SNX19: variants seen among roughly 807,000 people sequenced by gnomAD.
The protein encoded by SNX19 is sorting nexin 19, also known as sorting nexin-19.
A neutral mutation model predicts 85.2 loss-of-function variants in SNX19; 60 were observed. The ratio of observed to expected loss-of-function variants is 0.70; its 90% CI spans 0.57 to 0.87. The LOEUF (loss-of-function observed/expected upper bound fraction) is 0.87. Ranked by LOEUF, SNX19 falls within the 40% of genes least tolerant of loss-of-function variation. The probability of loss-of-function intolerance (pLI) is 0.00; values close to 1 mark genes in which losing one functional copy is unlikely to be tolerated. For synonymous variants in SNX19, 520 were observed against 470.0 expected (o/e 1.11, Z -1.38); for missense variants, 1,201 against 1,217.8 (o/e 0.99, Z 0.21).
At chr11:130,907,905 CA>C in intron 5 of SNX19, 47 bp downstream of exon 5, 7 of 1,606,372 alleles carry the variant, frequency 4.4e-6, no homozygotes, top group Non-Finnish European at 5.9e-6. Context: ...GATTGGGGAT[CA>C]ATTTGAGAAC....
intron 8 of SNX19, among the ~76,000 whole-genome samples, chr11:130,890,903 T>G (rs961368697): frequency 1.3e-5 from 2 of 151,616 alleles, no homozygotes; most frequent in Non-Finnish European, 2.9e-5. Context: ...TTTTTTTTTT[T>G]TGTATTTTGA....
intron 8 of SNX19, chr11:130,893,194 A>G (rs931066287): frequency 4.6e-5 from 7 of 152,578 alleles, no homozygotes; most frequent in African/African-American, 1.7e-4. Context: ...TGCAGGAGGC[A>G]GAAGTGATAA....
In SNX19 at chr11:130,869,220, T is replaced by A. The variant is rs1245294904; in HGVS notation, c.*9202A>T. 1.3e-5 allele frequency: 2 copies of A among 152,198 alleles called. No homozygotes were observed. Among genetic ancestry groups the A allele is most frequent in the Non-Finnish European group, 2.9e-5 (2 of 68,042 alleles). 9.4% of individuals were successfully genotyped at this position (152,198 alleles called of 1,614,324 possible). A position where few individuals can be genotyped will look rare whatever the true frequency, so the allele number is the denominator to read the frequency against. On this transcript the variant is annotated 3_prime_UTR_variant, in exon 11 of 11. Coordinates refer to ENST00000265909, the MANE Select transcript of SNX19 (RefSeq NM_014758.3). ...GCTTCAAAATGAAGACAGCTGTGTA[T>A]GTCTCAGTCAAGCTGTGCGGGTCCA...
At chr11:130,888,099 CAAA>C (rs199735794) in intron 8 of SNX19, among the ~76,000 whole-genome samples, 54 of 142,448 alleles carry the variant, frequency 3.8e-4, no homozygotes, top group African/African-American at 8.6e-4. Flanking sequence ...AGGTACATTA[CAAA>C]AAAAAAAAAA....
intron 2 of SNX19, among the ~76,000 whole-genome samples, chr11:130,911,063 C>T (rs1348603893): frequency 2.6e-5 from 4 of 152,018 alleles, no homozygotes; most frequent in Non-Finnish European, 2.9e-5. Context: ...GGCGTGGTGG[C>T]GGGCGCCTGT....
At chr11:130,894,398 A>C (rs1184206256) in intron 8 of SNX19, among the ~76,000 whole-genome samples, 1 of 152,218 alleles carries the variant, frequency 6.6e-6, no homozygotes, top group African/African-American at 2.4e-5. Context: ...CAGAAGGAAG[A>C]AGGGTGAAAG....
Position 130,877,560 on chromosome 11 carries a change from CTG to C in SNX19, c.*860_*861del, listed in dbSNP as rs1943333573. 1 of 152,462 alleles carries C rather than the reference CTG, an allele frequency of 6.6e-6. No homozygotes were observed. Among genetic ancestry groups the C allele is most frequent in the Admixed American group, 6.5e-5 (1 of 15,276 alleles). The allele number at this position is 152,462 out of a possible 1,614,324, so 9.4% of individuals were successfully genotyped here. A position where few individuals can be genotyped will look rare whatever the true frequency, so the allele number is the denominator to read the frequency against. ...GTGCTTTCCATTCTCCTTGGAAAAA[CTG>C]AGGCTGAATATGCAGCTTGTCATGC... On this transcript the variant is annotated 3_prime_UTR_variant, in exon 11 of 11. Transcript: ENST00000265909.
At chr11:130,886,574 G>C (rs1460589664) in intron 8 of SNX19, among the ~76,000 whole-genome samples, 1 of 152,108 alleles carries the variant, frequency 6.6e-6, no homozygotes, top group African/African-American at 2.4e-5. Context: ...ACTGTGTTCT[G>C]TACTGCCAGT....
chr11:130,910,721 T>C (rs73028877), intron 2 of SNX19, among the ~76,000 whole-genome samples: 24,147 of 152,182 alleles, frequency 0.16, 2,186 homozygotes, highest in Middle Eastern at 0.25. Flanking sequence ...AAAGAGCTAA[T>C]ACGTGTAAAG....
rs1445963980 is a variant in SNX19, at chr11:130,876,256, A to G, written c.*2166T>C. ...CTTTTCTACCTGTGGCTCTCTACCA[A>G]TTGTTACTCTCTTGTTGTCTGAACC... On this transcript the variant is annotated 3_prime_UTR_variant, in exon 11 of 11. Coordinates refer to ENST00000265909, the MANE Select transcript of SNX19 (RefSeq NM_014758.3). The G allele has an allele frequency of 6.6e-6, 1 of 152,114 alleles. No individual in the cohort carries two copies. The highest frequency in any genetic ancestry group is 6.6e-5 in the Admixed American group (1 of 15,266). The allele number at this position is 152,114 out of a possible 1,614,324, so 9.4% of individuals were successfully genotyped here. A position where few individuals can be genotyped will look rare whatever the true frequency, so the allele number is the denominator to read the frequency against.
intron 8 of SNX19, among the ~76,000 whole-genome samples, chr11:130,891,285 G>A (rs1169214388): frequency 6.6e-6 from 1 of 152,102 alleles, no homozygotes; most frequent in East Asian, 1.9e-4. Context: ...TGTTGTAACG[G>A]GTATGCTAGG....
At chr11:130,899,957 G>A (rs1298800735) in intron 8 of SNX19, among the ~76,000 whole-genome samples, 1 of 152,160 alleles carries the variant, frequency 6.6e-6, no homozygotes, top group Non-Finnish European at 1.5e-5. Context: ...GAAAGTCTAG[G>A]GAAATTCAGC....
Position 130,914,281 on chromosome 11 carries a change from T to C in SNX19, c.1659A>G (p.Thr553=), listed in dbSNP as rs952756241. 3 of 1,583,468 alleles carry C rather than the reference T, an allele frequency of 1.9e-6. No individual in the cohort carries two copies. Among genetic ancestry groups the C allele is most frequent in the African/African-American group, 2.7e-5 (2 of 74,354 alleles). ...ATCCTGTTACCTTCACAGTATAGAG[T>C]GTGTATGGGTGGAATCCAGTGCCAC... The part of the protein sequence containing the change: ...EHSGTGFHPY[T]LYTVKYETAL... Residue 553 remains threonine (T), a synonymous_variant, in exon 1 of 11, where the codon ACA becomes ACG. Coordinates refer to ENST00000265909, the MANE Select transcript of SNX19 (RefSeq NM_014758.3).
Position 130,914,561 on chromosome 11 carries a change from TCTC to T in SNX19, c.1376_1378del (p.Gly459del), listed in dbSNP as rs1284491184. The T allele has an allele frequency of 1.9e-6, 3 of 1,613,780 alleles. No individual in the cohort carries two copies. The African/African-American group carries it at 4.0e-5, about 22-fold the overall frequency. ...CAAAGCTGTAACAGAGGCGGTAACATCTCCTTGTTCTATCTCCTTGTCTGCTGT... is the reference window on the plus strand; with the variant it reads ...CAAAGCTGTAACAGAGGCGGTAACATCTTGTTCTATCTCCTTGTCTGCTGT... On this transcript the variant is annotated inframe_deletion, in exon 1 of 11. Transcript: ENST00000265909.
rs772698303 is a variant in SNX19, at chr11:130,910,403, TCATTTAA to T, written c.1814-40_1814-34del. The stretch of plus-strand genomic sequence containing the variant: ...AAAAAAAAAAAATCAAAATATTCAC[TCATTTAA>T]CATTCACAGAGAGCTATTCCATATA... On this transcript the variant is annotated intron_variant, in intron 2 of 10. Transcript: ENST00000265909. 49 of 1,416,110 alleles carry T rather than the reference TCATTTAA, an allele frequency of 3.5e-5. No individual in the cohort carries two copies. In the African/African-American group the frequency reaches 6.2e-4, roughly 18 times the overall value. 87.7% of individuals were successfully genotyped at this position (1,416,110 alleles called of 1,614,324 possible).
chr11:130,888,687 A>G (rs1944272136), intron 8 of SNX19, among the ~76,000 whole-genome samples: 1 of 152,232 alleles, frequency 6.6e-6, no homozygotes, highest in Non-Finnish European at 1.5e-5. Flanking sequence ...CATTTTTTAA[A>G]AAGGCAAGAT....
rs1222985406 is a variant in SNX19, at chr11:130,870,854, C to T, written c.*7568G>A. Among the ~76,000 whole-genome samples the T allele has an allele frequency of 1.3e-5, 2 of 151,500 alleles. No individual in the cohort carries two copies. The highest frequency in any genetic ancestry group is 2.9e-5 in the Non-Finnish European group (2 of 67,946). ...GGGGGGGCATAAGGACATAATAGGA[C>T]TAAAAAAGATAAAAGATATGTTCGT... On this transcript the variant is annotated 3_prime_UTR_variant, in exon 11 of 11. Coordinates refer to ENST00000265909, the MANE Select transcript of SNX19 (RefSeq NM_014758.3).
At chr11:130,897,271 T>C (rs1412587542) in intron 8 of SNX19, among the ~76,000 whole-genome samples, 2 of 152,132 alleles carry the variant, frequency 1.3e-5, no homozygotes, top group East Asian at 3.9e-4. Flanking sequence ...CTTTACACAC[T>C]TCACGCTCCC....
intron 8 of SNX19, among the ~76,000 whole-genome samples, chr11:130,884,625 T>C (rs1194357716): frequency 6.6e-6 from 1 of 152,146 alleles, no homozygotes; most frequent in African/African-American, 2.4e-5. Context: ...CCCAGCACTT[T>C]GGAAGGCTGA....
Sources: gnomAD v4.1 joint callset for allele counts (sites outside exome capture counted in the v4.1 genomes callset) on GRCh38, gnomAD v4.1.1 for gene constraint, MANE v1.5 for transcripts, NCBI Gene and HGNC (gene_info 2026-07-23, HGNC 2026-07-21) for gene names.